RABGAP1L: variants seen among roughly 807,000 people sequenced by gnomAD.
The protein encoded by RABGAP1L is RAB GTPase activating protein 1 like.
A neutral mutation model predicts 137.7 loss-of-function variants in RABGAP1L; 63 were observed. That is an observed-to-expected ratio of 0.46 (90% CI 0.37 to 0.56). RABGAP1L has a LOEUF of 0.56. RABGAP1L is among the 20% of genes least tolerant of loss of function. RABGAP1L has a pLI of 0.00. For synonymous variants in RABGAP1L, 431 were observed against 433.7 expected (o/e 0.99, Z 0.08); for missense variants, 1,095 against 1,244.0 (o/e 0.88, Z 1.80).
At chr1:174,556,701 T>C (rs1666904813) in intron 13 of RABGAP1L, among the ~76,000 whole-genome samples, 1 of 152,222 alleles carries the variant, frequency 6.6e-6, no homozygotes, top group African/African-American at 2.4e-5. Flanking sequence ...CTCAAGAAAT[T>C]TGGAAATATT....
At chr1:174,548,455 T>TAA in intron 13 of RABGAP1L, 3 of 932,658 alleles carry the variant, frequency 3.2e-6, no homozygotes, top group Non-Finnish European at 3.9e-6. Flanking sequence ...TATATCATAT[T>TAA]ATATGCCTAA....
At chr1:174,832,413 A>AGGG (rs1286592731) in intron 19 of RABGAP1L, among the ~76,000 whole-genome samples, 1 of 148,416 alleles carries the variant, frequency 6.7e-6, no homozygotes, top group East Asian at 2.1e-4. Context: ...ACTTGCCTTT[A>AGGG]ATGCCTGGAG....
intron 13 of RABGAP1L, among the ~76,000 whole-genome samples, chr1:174,459,734 T>C (rs1038168439): frequency 3.9e-5 from 6 of 152,070 alleles, no homozygotes; most frequent in East Asian, 1.9e-4. Flanking sequence ...AATCGATGGA[T>C]GTGAACCCTA....
At chr1:174,902,525 G>C (rs186074952) in intron 19 of RABGAP1L, among the ~76,000 whole-genome samples, 7 of 152,320 alleles carry the variant, frequency 4.6e-5, no homozygotes, top group Non-Finnish European at 1.5e-5. Flanking sequence ...GAATCCTGGG[G>C]CTGGTGTATT....
chr1:174,367,095 G>A (rs1684702735), intron 11 of RABGAP1L: 1 of 152,216 alleles, frequency 6.6e-6, no homozygotes, highest in Non-Finnish European at 1.5e-5. Context: ...CCTGTAACAT[G>A]GGATTTATTC....
rs76971521 is a variant in RABGAP1L at position 174,990,399 on chromosome 1, G to GAA, written c.*407_*408dup. 6.6e-5 allele frequency: 10 copies of GAA among 151,544 alleles called. No homozygotes were observed. The highest frequency in any genetic ancestry group is 3.9e-4 in the East Asian group (2 of 5,184). The allele number at this position is 151,544 out of a possible 1,614,324, so 9.4% of individuals were successfully genotyped here. A position where few individuals can be genotyped will look rare whatever the true frequency, so the allele number is the denominator to read the frequency against. ...AGTGATAAGAAGATCTTTGTCACAG[G>GAA]AAAAAAAAAATTGAAACCTAAACAT... On this transcript the variant is annotated 3_prime_UTR_variant, in exon 26 of 26. Transcript: ENST00000681986.
intron 14 of RABGAP1L, among the ~76,000 whole-genome samples, chr1:174,641,130 T>G (rs1211514537): frequency 2.0e-5 from 3 of 151,810 alleles, no homozygotes; most frequent in Non-Finnish European, 4.4e-5. Flanking sequence ...GCTCTTAAAT[T>G]GAGCAGAAAT....
At chr1:174,548,957 C>T (rs10912808) in intron 13 of RABGAP1L, among the ~76,000 whole-genome samples, 18,158 of 152,112 alleles carry the variant, frequency 0.12, 3,667 homozygotes, top group African/African-American at 0.41. Context: ...TTGTGCTTAT[C>T]CCATGAAGAT....
In RABGAP1L at chr1:174,755,029, C is replaced by T. The variant is rs559818510; in HGVS notation, c.2211+2675C>T. Among the ~76,000 whole-genome samples, 59 of 152,268 alleles carry T rather than the reference C, an allele frequency of 3.9e-4. 1 individual carries two copies. Among genetic ancestry groups the T allele is most frequent in the Admixed American group, 1.1e-3 (17 of 15,296 alleles). Reference sequence around the variant, plus strand: ...TATTAGCCAGAGAAAACATCTAATTCTTCCCCCAGCCCCTAGTTGATAATT... The same window carrying T: ...TATTAGCCAGAGAAAACATCTAATTTTTCCCCCAGCCCCTAGTTGATAATT... On this transcript the variant is annotated intron_variant, in intron 18 of 25. Transcript: ENST00000681986.
At chr1:174,428,238 A>G (rs1243569295) in intron 13 of RABGAP1L, among the ~76,000 whole-genome samples, 2 of 152,190 alleles carry the variant, frequency 1.3e-5, no homozygotes, top group African/African-American at 2.4e-5. Flanking sequence ...AGTACGTATG[A>G]TTGAAGCACT....
At chr1:174,615,857 T>TC (rs1174938058) in intron 13 of RABGAP1L, among the ~76,000 whole-genome samples, 1 of 152,224 alleles carries the variant, frequency 6.6e-6, no homozygotes, top group Non-Finnish European at 1.5e-5. Flanking sequence ...TCAGCGAGAC[T>TC]CCGTGGGTGT....
chr1:174,742,697 C>T (rs1454183178), intron 17 of RABGAP1L, among the ~76,000 whole-genome samples: 1 of 152,134 alleles, frequency 6.6e-6, no homozygotes, highest in East Asian at 1.9e-4. Flanking sequence ...ACCCCTGCAG[C>T]CTGGGATGGT....
At chr1:174,846,434 T>C (rs1247486142) in intron 19 of RABGAP1L, among the ~76,000 whole-genome samples, 1 of 151,094 alleles carries the variant, frequency 6.6e-6, no homozygotes, top group Non-Finnish European at 1.5e-5. Flanking sequence ...GTGTCTTTGT[T>C]CTCGTTGGTT....
chr1:174,438,263 C>T (rs185981746), intron 13 of RABGAP1L, among the ~76,000 whole-genome samples: 217 of 152,216 alleles, frequency 1.4e-3, no homozygotes, highest in African/African-American at 4.9e-3. Context: ...TTCCCAAGAT[C>T]GTTTTAGCTC....
intron 2 of RABGAP1L, chr1:174,220,761 A>T: frequency 2.7e-6 from 1 of 368,944 alleles, no homozygotes; most frequent in East Asian, 4.4e-5. Flanking sequence ...TTTATAAAGA[A>T]TCCTTTTGTG....
chr1:174,885,936 C>T (rs1272547161), intron 19 of RABGAP1L, among the ~76,000 whole-genome samples: 11 of 151,804 alleles, frequency 7.2e-5, no homozygotes, highest in African/African-American at 2.4e-4. Flanking sequence ...CACTGCACTC[C>T]AGCCTGGGCG....
intron 17 of RABGAP1L, among the ~76,000 whole-genome samples, chr1:174,709,234 G>C (rs911210981): frequency 7.9e-5 from 12 of 152,204 alleles, no homozygotes; most frequent in Admixed American, 7.9e-4. Context: ...GGAAGGGGTG[G>C]CTGTGGGCGC....
chr1:174,658,486 T>C (rs1385569058), intron 14 of RABGAP1L, among the ~76,000 whole-genome samples: 1 of 152,152 alleles, frequency 6.6e-6, no homozygotes, highest in African/African-American at 2.4e-5. Flanking sequence ...ATCCTTAATA[T>C]ATTTATCTTT....
Position 174,479,476 on chromosome 1 carries a change from G to C in RABGAP1L, c.1710+85331G>C, listed in dbSNP as rs143554105. ...AAACTCCTCAGATTTTGATGCATAT[G>C]GACTAACACCACAATTTGAGAAACT... is the stretch of plus-strand genomic sequence containing the variant. On this transcript the variant is annotated intron_variant, in intron 13 of 25. Transcript: ENST00000681986. Among the ~76,000 whole-genome samples the C allele has an allele frequency of 5.4e-4, 82 of 152,202 alleles. No homozygotes were observed. In the Middle Eastern group the frequency reaches 0.01, roughly 19 times the overall value.
Sources: allele counts gnomAD v4.1 joint callset (sites outside exome capture counted in the v4.1 genomes callset), GRCh38; gene constraint gnomAD v4.1.1; transcripts MANE v1.5; gene names NCBI Gene and HGNC (gene_info 2026-07-23, HGNC 2026-07-21).